Variants in UGDH observed in about 807,000 individuals in gnomAD.
UGDH encodes the protein UDP-glucose 6-dehydrogenase.
In UGDH, 38 loss-of-function variants were observed where a neutral mutation model predicts 50.6. That is an observed-to-expected ratio of 0.75 (90% CI 0.58 to 0.98). UGDH has a LOEUF of 0.98. UGDH is among the 50% of genes least tolerant of loss of function. UGDH has a pLI of 0.00. For missense variants in UGDH, 465 were observed against 606.2 expected (o/e 0.77, Z 2.45); for synonymous variants, 168 against 199.9 (o/e 0.84, Z 1.35).
At chr4:39,510,203 AATT>A (rs1746185817) in intron 5 of UGDH, 147 bp downstream of exon 5, 2 of 875,342 alleles carry the variant, frequency 2.3e-6, no homozygotes, top group Non-Finnish European at 3.4e-6. Context: ...CCCTTGTGAA[AATT>A]ATTTCATAAT....
chr4:39,505,808 C>A, intron 7 of UGDH, 60 bp from the exon 8 acceptor site: 1 of 1,508,084 alleles, frequency 6.6e-7, no homozygotes, highest in Non-Finnish European at 8.9e-7. Flanking sequence ...CTATGACACA[C>A]ATTACTCAGA....
In UGDH at chr4:39,499,221, T is replaced by A. The variant is rs186287281; in HGVS notation, c.*922A>T. ...AAGATTAGTGAGGAAAACCAATAAA[T>A]AATGGGGAGAGAAAGAAATGCTACT... On this transcript the variant is annotated 3_prime_UTR_variant, in exon 12 of 12. Transcript: ENST00000316423. 1.3e-3 allele frequency: 194 copies of A among 151,208 alleles called. 3 individuals carry two copies. The highest frequency in any genetic ancestry group is 4.6e-3 in the African/African-American group (189 of 41,250). The allele number at this position is 151,208 out of a possible 1,614,324, so 9.4% of individuals were successfully genotyped here.
chr4:39,513,361 C>T (rs552472692), intron 3 of UGDH, among the ~76,000 whole-genome samples: 19 of 151,998 alleles, frequency 1.3e-4, no homozygotes, highest in Admixed American at 1.1e-3. Flanking sequence ...CAACATATGC[C>T]AAGTTACAAA....
chr4:39,526,075 G>A (rs1208140260), intron 1 of UGDH, among the ~76,000 whole-genome samples: 1 of 152,172 alleles, frequency 6.6e-6, no homozygotes, highest in Non-Finnish European at 1.5e-5. Flanking sequence ...TCTAGCCCCA[G>A]CTCTCTACAG....
chr4:39,510,562 A>G lies in UGDH; in HGVS notation c.466-12T>C, dbSNP rs368305191. The G allele has an allele frequency of 8.7e-6, 14 of 1,614,028 alleles. No individual in the cohort carries two copies. The African/African-American group carries it at 1.9e-4, about 22-fold the overall frequency. ...GGGTTGGACAGCACCTAGAATCCCA[A>G]TGCAAAGGAAAGTTTTAAGCTAGAA... On this transcript the variant is annotated splice_polypyrimidine_tract_variant and intron_variant, in intron 4 of 11. Transcript: ENST00000316423.
rs564865650 is a variant in UGDH, at chr4:39,526,985, G to A, written c.-8+298C>T. 8 of 1,285,968 alleles carry A rather than the reference G, an allele frequency of 6.2e-6. No individual in the cohort carries two copies. In the Admixed American group the frequency reaches 1.6e-4, roughly 26 times the overall value. The allele number at this position is 1,285,968 out of a possible 1,614,324, so 79.7% of individuals were successfully genotyped here. A position where few individuals can be genotyped will look rare whatever the true frequency, so the allele number is the denominator to read the frequency against. The stretch of plus-strand genomic sequence containing the variant: ...GTGGTGGGCGTTCGGCTTTGGAGGC[G>A]GCAGGGAAATCTCATCCAAGTCAGG... On this transcript the variant is annotated intron_variant, in intron 1 of 11. Transcript: ENST00000316423.
intron 1 of UGDH, 33 bp downstream of exon 1, chr4:39,527,250 G>C (rs962144862): frequency 3.2e-6 from 2 of 633,464 alleles, no homozygotes; most frequent in Non-Finnish European, 4.6e-6. Flanking sequence ...CATCCCGCCC[G>C]GGCGGCGGGG....
intron 1 of UGDH, chr4:39,527,070 C>A: frequency 7.8e-7 from 1 of 1,289,388 alleles, no homozygotes; most frequent in South Asian, 1.2e-5. Context: ...GAATAAGAAG[C>A]CCAGACGACC....
At chr4:39,515,732 C>T (rs1430880379) in intron 2 of UGDH, among the ~76,000 whole-genome samples, 1 of 152,080 alleles carries the variant, frequency 6.6e-6, no homozygotes, top group Non-Finnish European at 1.5e-5. Context: ...GACAGTCTTG[C>T]TCTGTCACCC....
At chr4:39,517,256 G>T (rs1381603885) in intron 2 of UGDH, among the ~76,000 whole-genome samples, 5 of 149,252 alleles carry the variant, frequency 3.4e-5, no homozygotes, top group Admixed American at 1.3e-4. Flanking sequence ...AGGCTGGAGT[G>T]CAGTGGCGCG....
chr4:39,520,855 C>T (rs1285533287), intron 2 of UGDH, among the ~76,000 whole-genome samples: 3 of 151,708 alleles, frequency 2.0e-5, no homozygotes, highest in African/African-American at 7.3e-5. Context: ...GGGCAGATCA[C>T]CTGAGTTCAG....
chr4:39,508,834 A>G (rs1578268349), intron 6 of UGDH, among the ~76,000 whole-genome samples, 174 bp from the exon 7 acceptor site: 1 of 150,938 alleles, frequency 6.6e-6, no homozygotes, highest in Non-Finnish European at 1.5e-5. Flanking sequence ...CAACTAAACA[A>G]CTCCACAAGT....
In UGDH at chr4:39,513,725, C is replaced by T. The variant is rs139421715; in HGVS notation, c.264+358G>A. 1.2e-3 allele frequency among the ~76,000 whole-genome samples: 188 copies of T among 151,744 alleles called. 1 individual carries two copies. Among genetic ancestry groups the T allele is most frequent in the African/African-American group, 4.2e-3 (176 of 41,482 alleles). On this transcript the variant is annotated intron_variant, in intron 3 of 11. Coordinates refer to ENST00000316423, the MANE Select transcript of UGDH (RefSeq NM_003359.4). ...CTAATTTTTGTATTCTTAGTAGAGACGGGGTTTCACCATGTTGGCCAGGAT... is the reference window on the plus strand; with the variant it reads ...CTAATTTTTGTATTCTTAGTAGAGATGGGGTTTCACCATGTTGGCCAGGAT...
chr4:39,520,004 G>C (rs1746584200), intron 2 of UGDH, among the ~76,000 whole-genome samples: 1 of 152,102 alleles, frequency 6.6e-6, no homozygotes, highest in East Asian at 1.9e-4. Context: ...CCTTCTAAAA[G>C]TCTAAGGCAA....
chr4:39,508,471 T>C, intron 7 of UGDH, 95 bp downstream of exon 7: 1 of 1,235,854 alleles, frequency 8.1e-7, no homozygotes, highest in Non-Finnish European at 1.1e-6. Context: ...TGGCCTCAAG[T>C]GATGCTCTTG....
intron 4 of UGDH, 35 bp from the exon 5 acceptor site, chr4:39,510,585 G>C (rs372274420): frequency 1.4e-5 from 23 of 1,613,694 alleles, no homozygotes; most frequent in East Asian, 2.2e-5. Flanking sequence ...TTTTAAGCTA[G>C]AATTAATTAT....
intron 8 of UGDH, 113 bp downstream of exon 8, chr4:39,505,505 C>A (rs1745991168): frequency 1.8e-6 from 2 of 1,117,460 alleles, no homozygotes; most frequent in Admixed American, 6.7e-5. Flanking sequence ...TATTTTTATT[C>A]TTTATATTTT....
intron 11 of UGDH, among the ~76,000 whole-genome samples, chr4:39,500,904 T>C (rs1745778748): frequency 6.6e-6 from 1 of 152,046 alleles, no homozygotes; most frequent in African/African-American, 2.4e-5. Flanking sequence ...TCTGCCTGCC[T>C]CGGCCTCCCA....
intron 2 of UGDH, among the ~76,000 whole-genome samples, chr4:39,518,907 T>C (rs56157171): frequency 0.19 from 29,299 of 152,154 alleles, 3,178 homozygotes; most frequent in Middle Eastern, 0.27. Context: ...TGGGTGTCAT[T>C]ATTCTAATTT....
Sources: gnomAD v4.1 joint callset for allele counts (sites outside exome capture counted in the v4.1 genomes callset) on GRCh38, gnomAD v4.1.1 for gene constraint, MANE v1.5 for transcripts, NCBI Gene and HGNC (gene_info 2026-07-23, HGNC 2026-07-21) for gene names.